Variants in HELB observed in about 807,000 individuals in gnomAD.
The protein encoded by HELB is DNA helicase B, also known as DNA 5'-3' helicase B.
Under a neutral mutation model 101.7 loss-of-function variants are expected in HELB, and 96 were observed. That is an observed-to-expected ratio of 0.94 (90% CI 0.80 to 1.12). The LOEUF is 1.12. Ranked by LOEUF, HELB falls within the 50% of genes most tolerant of loss-of-function variation. The pLI is 0.00. For missense variants in HELB, 1,210 were observed against 1,291.9 expected (o/e 0.94, Z 0.97); for synonymous variants, 437 against 459.7 (o/e 0.95, Z 0.63).
intron 12 of HELB, 76 bp from the exon 13 acceptor site, chr12:66,337,925 G>A (rs2053883616): frequency 1.2e-6 from 1 of 822,032 alleles, no homozygotes; most frequent in South Asian, 1.5e-5. Flanking sequence ...TTCTGAAGCA[G>A]AGGGAATACA....
downstream of HELB, chr12:66,340,641 A>G (rs2053911641): frequency 1.0e-5 from 2 of 196,690 alleles, no homozygotes; most frequent in African/African-American, 2.4e-5. Flanking sequence ...TTAAGTATTA[A>G]CTTACATGAT....
chr12:66,336,846 A>T (rs1456745097), intron 12 of HELB, among the ~76,000 whole-genome samples: 1 of 152,092 alleles, frequency 6.6e-6, no homozygotes, highest in Non-Finnish European at 1.5e-5. Context: ...AGAACAGTAG[A>T]AGCATTTTAA....
chr12:66,321,797 A>C, intron 7 of HELB, 151 bp from the exon 8 acceptor site: 4 of 521,904 alleles, frequency 7.7e-6, no homozygotes, highest in Non-Finnish European at 1.4e-5. Context: ...GATGTGGGGA[A>C]TGAGGTTGAC....
intron 11 of HELB, among the ~76,000 whole-genome samples, chr12:66,328,435 C>T (rs552519359): frequency 7.2e-4 from 110 of 152,134 alleles, no homozygotes; most frequent in Non-Finnish European, 1.4e-3. Flanking sequence ...TGGTGGCATG[C>T]ACCCATGGTC....
At position 66,324,156 on chromosome 12, in the gene HELB, G is replaced by T. The variant is rs200763833; in HGVS notation, c.2471G>T (p.Arg824Leu). ...GTLPDFAKNKRDFESNVRLCN... is the reference protein window; with the variant it reads ...GTLPDFAKNKLDFESNVRLCN... ...CTTCCTGATTTTGCTAAAAATAAGC[G>T]TGACTTTGAAAGTAACGTTCGACTG... The change falls in exon 10 of 13, where the codon CGT becomes CTT. Residue 824 changes from arginine (R) to leucine (L), a missense_variant. Physicochemically the swap from Arg to Leu is moderately radical, Grantham distance 102. This residue lies in a region of HELB where 740 missense variants were observed against 728.8 expected (regional missense o/e 1.02). Coordinates refer to ENST00000247815, the MANE Select transcript of HELB (RefSeq NM_001370285.1). 5.6e-6 allele frequency: 9 copies of T among 1,613,680 alleles called. No individual in the cohort carries two copies. Among genetic ancestry groups the T allele is most frequent in the Non-Finnish European group, 7.6e-6 (9 of 1,179,862 alleles).
chr12:66,314,220 G>T, intron 5 of HELB, 57 bp downstream of exon 5: 2 of 1,469,150 alleles, frequency 1.4e-6, no homozygotes, highest in Non-Finnish European at 1.8e-6. Flanking sequence ...GTGGTTAGTT[G>T]GTTGTTTACA....
At position 66,309,965 on chromosome 12, in the gene HELB, A is replaced by T. The variant is rs2053521857; in HGVS notation, c.1037A>T (p.Tyr346Phe). ...TTGAAGGATATTGGTGTGGTGACATATGAGAAGTCCTGTGTCTTCCCTTAT... is the reference window on the plus strand; with the variant it reads ...TTGAAGGATATTGGTGTGGTGACATTTGAGAAGTCCTGTGTCTTCCCTTAT... The part of the protein sequence containing the change: ...KFLKDIGVVT[Y>F]EKSCVFPYDL... Residue 346 changes from tyrosine (Y) to phenylalanine (F), a missense_variant, in exon 4 of 13, where the codon TAT becomes TTT. By Grantham distance (22) the Tyr-to-Phe change is conservative. This residue lies in a region of HELB where 470 missense variants were observed against 563.1 expected (regional missense o/e 0.83). Coordinates refer to ENST00000247815, the MANE Select transcript of HELB (RefSeq NM_001370285.1). 5 of 1,614,100 alleles carry T rather than the reference A, an allele frequency of 3.1e-6. No homozygotes were observed. The highest frequency in any genetic ancestry group is 4.2e-6 in the Non-Finnish European group (5 of 1,180,032).
At chr12:66,306,069 T>C (rs1053554121) in intron 2 of HELB, among the ~76,000 whole-genome samples, 1 of 152,230 alleles carries the variant, frequency 6.6e-6, no homozygotes, top group East Asian at 1.9e-4. Context: ...ATTTTTATTC[T>C]GTTATAGTGC....
chr12:66,314,264 C>T (rs2053576516), intron 5 of HELB, 101 bp downstream of exon 5: 1 of 1,006,968 alleles, frequency 9.9e-7, no homozygotes, highest in Non-Finnish European at 1.5e-6. Flanking sequence ...AGAATTGATA[C>T]CAAAGCTACA....
intron 5 of HELB, among the ~76,000 whole-genome samples, chr12:66,315,037 C>A (rs2053587623): frequency 6.6e-6 from 1 of 151,612 alleles, no homozygotes; most frequent in Non-Finnish European, 1.5e-5. Flanking sequence ...TATGCCTGTA[C>A]CCAGTTTCCC....
chr12:66,338,732 T>C (rs76872858), downstream of HELB: 1,979 of 152,342 alleles, frequency 0.013, 34 homozygotes, highest in South Asian at 0.02. Flanking sequence ...CCTCGTAACT[T>C]TGATGATCGT....
intron 1 of HELB, 59 bp from the exon 2 acceptor site, chr12:66,304,672 A>G (rs1299784035): frequency 4.1e-6 from 6 of 1,472,220 alleles, no homozygotes; most frequent in Admixed American, 4.4e-5. Context: ...CTTTGAGGAA[A>G]CGGTTTCTAA....
At position 66,338,144 on chromosome 12, in the gene HELB, G is replaced by A. The variant is rs760994459; in HGVS notation, c.*42G>A. The stretch of plus-strand genomic sequence containing the variant: ...TCCGAGTAACTATGTTTTTCTATTG[G>A]AGACAAAATGAACATCGTAACGTCA... On this transcript the variant is annotated 3_prime_UTR_variant, in exon 13 of 13. Transcript: ENST00000247815. 1.7e-6 allele frequency: 2 copies of A among 1,150,060 alleles called. No individual in the cohort carries two copies. The highest frequency in any genetic ancestry group is 1.8e-5 in the Admixed American group (1 of 55,442). The allele number at this position is 1,150,060 out of a possible 1,614,324, so 71.2% of individuals were successfully genotyped here.
chr12:66,309,628 T>G, intron 3 of HELB, 78 bp from the exon 4 acceptor site: 3 of 991,882 alleles, frequency 3.0e-6, no homozygotes, highest in Non-Finnish European at 2.9e-6. Flanking sequence ...CTTCTGGGAT[T>G]TAAAAAATTA....
chr12:66,337,145 T>C (rs545606296), intron 12 of HELB, among the ~76,000 whole-genome samples: 3 of 152,130 alleles, frequency 2.0e-5, no homozygotes, highest in Admixed American at 1.3e-4. Flanking sequence ...ATTAATCAGA[T>C]TGGGAAAAGA....
At chr12:66,303,184 C>G (rs551373343) in intron 1 of HELB, among the ~76,000 whole-genome samples, 15 of 146,900 alleles carry the variant, frequency 1.0e-4, no homozygotes, top group Non-Finnish European at 1.8e-4. Context: ...CTTAAGGAAA[C>G]AGTGGATGTT....
chr12:66,324,635 AC>A, intron 10 of HELB: 1 of 286,776 alleles, frequency 3.5e-6, no homozygotes, highest in Non-Finnish European at 6.7e-6. Context: ...AGATACCCTC[AC>A]TGAAAGCTGT....
chr12:66,318,784 A>G lies in HELB; in HGVS notation c.2147A>G (p.His716Arg). 6.2e-7 allele frequency: 1 copy of G among 1,604,402 alleles called. No homozygotes were observed. Among genetic ancestry groups the G allele is most frequent in the Non-Finnish European group, 8.5e-7 (1 of 1,176,830 alleles). Reference sequence around the variant, plus strand: ...AGTTCTCAGTCATCTAAAACTAATCATCACTCTTGTAAGTATAAACTTCTA... The same window carrying G: ...AGTTCTCAGTCATCTAAAACTAATCGTCACTCTTGTAAGTATAAACTTCTA... The part of the protein sequence containing the change: ...DASSQSSKTN[H>R]HSCLYSAVKT... Residue 716 changes from histidine to arginine, a missense_variant, in exon 7 of 13, where the codon CAT (histidine) becomes CGT (arginine). His to Arg is a conservative substitution (Grantham distance 29). Coordinates refer to ENST00000247815, the MANE Select transcript of HELB (RefSeq NM_001370285.1).
intron 11 of HELB, among the ~76,000 whole-genome samples, chr12:66,327,835 G>C (rs2053759861): frequency 6.6e-6 from 1 of 152,206 alleles, no homozygotes; most frequent in Non-Finnish European, 1.5e-5. Context: ...TGTTATGTTA[G>C]AAGGTGGCAA....
Sources: allele counts gnomAD v4.1 joint callset (sites outside exome capture counted in the v4.1 genomes callset), GRCh38; gene constraint gnomAD v4.1.1; regional missense constraint gnomAD v4.1.1; transcripts MANE v1.5; gene names NCBI Gene and HGNC (gene_info 2026-07-23, HGNC 2026-07-21).